Variants in SLC2A13 observed in about 807,000 individuals in gnomAD.
The protein encoded by SLC2A13 is proton myo-inositol cotransporter.
SLC2A13 carries 32 observed loss-of-function variants against 64.4 expected under a neutral mutation model. The ratio of observed to expected loss-of-function variants is 0.50; its 90% CI spans 0.37 to 0.67. The LOEUF is 0.67. SLC2A13 is among the 30% of genes least tolerant of loss of function. SLC2A13 has a pLI of 0.00. For synonymous variants in SLC2A13, 338 were observed against 327.1 expected (o/e 1.03, Z -0.36); for missense variants, 743 against 829.2 (o/e 0.90, Z 1.28).
chr12:39,956,521 T>C (rs1946316342), intron 3 of SLC2A13, among the ~76,000 whole-genome samples: 1 of 152,148 alleles, frequency 6.6e-6, no homozygotes, highest in Admixed American at 6.5e-5. Context: ...ATCTAGAGAC[T>C]TTAGATGTCA....
intron 3 of SLC2A13, among the ~76,000 whole-genome samples, chr12:40,007,138 C>T (rs1947436115): frequency 6.6e-6 from 1 of 152,206 alleles, no homozygotes; most frequent in South Asian, 2.1e-4. Flanking sequence ...CCCACCTTTG[C>T]TCTGTGGCTG....
intron 2 of SLC2A13, among the ~76,000 whole-genome samples, chr12:40,044,953 A>G (rs2136234008): frequency 6.6e-6 from 1 of 152,306 alleles, no homozygotes; most frequent in Middle Eastern, 3.4e-3. Context: ...ATCTCTGCCA[A>G]GGCCAAGTAA....
chr12:39,976,633 AGCAACCTTCCT>A (rs1236794860), intron 3 of SLC2A13, among the ~76,000 whole-genome samples: 6 of 152,110 alleles, frequency 3.9e-5, no homozygotes, highest in Non-Finnish European at 5.9e-5. Context: ...CCTGACCTCA[AGCAACCTTCCT>A]GCTTCAGCCT....
At chr12:40,021,385 A>G (rs2136207335) in intron 3 of SLC2A13, among the ~76,000 whole-genome samples, 1 of 152,334 alleles carries the variant, frequency 6.6e-6, no homozygotes, top group South Asian at 2.1e-4. Flanking sequence ...TGAATGAAAT[A>G]GTGTTTCTTT....
intron 4 of SLC2A13, among the ~76,000 whole-genome samples, chr12:39,939,033 A>AT (rs1161593913): frequency 6.6e-6 from 1 of 152,158 alleles, no homozygotes; most frequent in African/African-American, 2.4e-5. Context: ...GGGATTGTGG[A>AT]TAAATACCCC....
intron 4 of SLC2A13, among the ~76,000 whole-genome samples, chr12:39,913,465 T>C (rs1945464036): frequency 6.6e-6 from 1 of 151,366 alleles, no homozygotes. Context: ...AATAAGCATA[T>C]ATTTTTCAAA....
intron 7 of SLC2A13, among the ~76,000 whole-genome samples, chr12:39,808,741 CTGTT>C (rs930383580): frequency 1.3e-5 from 2 of 151,966 alleles, no homozygotes; most frequent in African/African-American, 4.8e-5. Flanking sequence ...TGTGACTTGT[CTGTT>C]CAAATCTTTT....
chr12:39,969,192 T>G (rs1294683554), intron 3 of SLC2A13, among the ~76,000 whole-genome samples: 3 of 152,228 alleles, frequency 2.0e-5, no homozygotes, highest in Non-Finnish European at 4.4e-5. Flanking sequence ...CTTAATCCAG[T>G]CTATCATTGA....
At chr12:39,936,204 G>T (rs183672639) in intron 4 of SLC2A13, among the ~76,000 whole-genome samples, 3 of 152,318 alleles carry the variant, frequency 2.0e-5, no homozygotes, top group African/African-American at 7.2e-5. Flanking sequence ...CCTCTACAGT[G>T]TTGTCAAGCC....
intron 3 of SLC2A13, among the ~76,000 whole-genome samples, chr12:39,973,441 T>C (rs1337177618): frequency 1.3e-5 from 2 of 152,182 alleles, no homozygotes; most frequent in Non-Finnish European, 2.9e-5. Context: ...CCTTCTCTTC[T>C]CCCCATAGAG....
chr12:39,765,418 C>T (rs1259163286), intron 7 of SLC2A13, among the ~76,000 whole-genome samples: 7 of 151,976 alleles, frequency 4.6e-5, no homozygotes, highest in Non-Finnish European at 1.0e-4. Context: ...CCTTCTTAAT[C>T]CATAGTAAAG....
At chr12:39,996,894 A>C (rs1034104126) in intron 3 of SLC2A13, among the ~76,000 whole-genome samples, 4 of 152,206 alleles carry the variant, frequency 2.6e-5, no homozygotes, top group African/African-American at 9.7e-5. Flanking sequence ...GAAAACACAA[A>C]CAAATGGAAA....
chr12:40,093,957 A>G (rs1204197396), intron 1 of SLC2A13, among the ~76,000 whole-genome samples: 1 of 152,142 alleles, frequency 6.6e-6, no homozygotes, highest in African/African-American at 2.4e-5. Flanking sequence ...ATGTGTATAA[A>G]AAGAAAGCAG....
chr12:40,019,613 T>A (rs936925448), intron 3 of SLC2A13, among the ~76,000 whole-genome samples: 4 of 152,204 alleles, frequency 2.6e-5, no homozygotes, highest in African/African-American at 9.6e-5. Flanking sequence ...TCTATAGATG[T>A]GCTTGTAACA....
intron 3 of SLC2A13, among the ~76,000 whole-genome samples, chr12:40,004,134 TTTCAA>T (rs1204426742): frequency 2.2e-4 from 33 of 152,250 alleles, no homozygotes; most frequent in Non-Finnish European, 4.3e-4. Context: ...CCAGAGATTA[TTTCAA>T]GTATATGGGA....
intron 4 of SLC2A13, among the ~76,000 whole-genome samples, chr12:39,891,717 C>T (rs1204943877): frequency 6.6e-6 from 1 of 152,086 alleles, no homozygotes; most frequent in African/African-American, 2.4e-5. Context: ...TATGAACATG[C>T]CTTAGGTTAG....
At chr12:39,834,519 A>C (rs1464933879) in intron 6 of SLC2A13, among the ~76,000 whole-genome samples, 3 of 152,116 alleles carry the variant, frequency 2.0e-5, no homozygotes, top group Non-Finnish European at 2.9e-5. Context: ...GTGTATGTGC[A>C]GGCGTAAAGC....
chr12:39,895,526 ATATATATATAT>A (rs1944737741), intron 4 of SLC2A13, among the ~76,000 whole-genome samples: 1 of 41,122 alleles, frequency 2.4e-5, no homozygotes, highest in Non-Finnish European at 5.5e-5. Context: ...ATATATATAT[ATATATATATAT>A]ATATATATAT....
chr12:39,968,953 C>T (rs1389450408), intron 3 of SLC2A13, among the ~76,000 whole-genome samples: 1 of 151,946 alleles, frequency 6.6e-6, no homozygotes, highest in African/African-American at 2.4e-5. Flanking sequence ...CCCTCCTTCC[C>T]CCACCCCACA....
Sources: allele counts gnomAD v4.1 joint callset (sites outside exome capture counted in the v4.1 genomes callset), GRCh38; gene constraint gnomAD v4.1.1; transcripts MANE v1.5; gene names NCBI Gene and HGNC (gene_info 2026-07-23, HGNC 2026-07-21).